ARIH1: variants seen among roughly 807,000 people sequenced by gnomAD.
ARIH1 encodes the protein ariadne RBR E3 ubiquitin protein ligase 1, also known as E3 ubiquitin-protein ligase ARIH1.
In ARIH1, 8 loss-of-function variants were observed where a neutral mutation model predicts 85.0. That is an observed-to-expected ratio of 0.09 (90% CI 0.06 to 0.17). The LOEUF is 0.17. ARIH1 is among the 10% of genes least tolerant of loss of function. ARIH1 has a pLI of 1.00. For synonymous variants in ARIH1, 238 were observed against 253.6 expected, an observed-to-expected ratio of 0.94 and a Z score of 0.59; for missense variants, 311 against 718.1, an observed-to-expected ratio of 0.43 and a Z score of 6.48.
At chr15:72,516,706 T>C (rs1026903525) in intron 1 of ARIH1, among the ~76,000 whole-genome samples, 2 of 152,210 alleles carry the variant, frequency 1.3e-5, no homozygotes, top group Non-Finnish European at 2.9e-5. Flanking sequence ...GGAGTATGCA[T>C]GTGTGTAAAT....
chr15:72,535,203 G>A (rs1338744321), intron 2 of ARIH1, among the ~76,000 whole-genome samples: 3 of 151,276 alleles, frequency 2.0e-5, no homozygotes, highest in South Asian at 2.1e-4. Context: ...CACCCGCCTC[G>A]GCCTCCCAAA....
chr15:72,492,996 G>A (rs760352333), intron 1 of ARIH1, among the ~76,000 whole-genome samples: 19 of 152,204 alleles, frequency 1.2e-4, no homozygotes, highest in Non-Finnish European at 2.5e-4. Flanking sequence ...GATCCTAATG[G>A]TTATCCTAGC....
intron 1 of ARIH1, among the ~76,000 whole-genome samples, chr15:72,511,896 G>A (rs2063952306): frequency 6.6e-6 from 1 of 152,182 alleles, no homozygotes; most frequent in Non-Finnish European, 1.5e-5. Flanking sequence ...AGTGGATGTT[G>A]AATTTTGTCA....
In ARIH1 at chr15:72,595,808, G is replaced by GTTTTTTTTTTTTTTTTTTTTCTT. The variant is rs59597213; in HGVS notation, c.*12534_*12535insTTCTTTTTTTTTTTTTTTTTTTT. 2.4e-5 allele frequency: 3 copies of GTTTTTTTTTTTTTTTTTTTTCTT among 122,828 alleles called. No individual in the cohort carries two copies. Among genetic ancestry groups the GTTTTTTTTTTTTTTTTTTTTCTT allele is most frequent in the East Asian group, 2.4e-4 (1 of 4,126 alleles). 7.6% of individuals were successfully genotyped at this position (122,828 alleles called of 1,614,324 possible). ...TATTGCAGTGTTTTTTGTTTTTTCTGTTTTTTTTTTTTTTTTTTCATCTTT... is the reference window on the plus strand; with the variant it reads ...TATTGCAGTGTTTTTTGTTTTTTCTGTTTTTTTTTTTTTTTTTTTTCTTTTTTTTTTTTTTTTTTTTCATCTTT... On this transcript the variant is annotated 3_prime_UTR_variant, in exon 14 of 14. Transcript: ENST00000379887.
intron 2 of ARIH1, among the ~76,000 whole-genome samples, chr15:72,519,317 T>G (rs184635824): frequency 4.0e-5 from 6 of 151,870 alleles, no homozygotes; most frequent in Admixed American, 3.9e-4. Context: ...TAAATTACAT[T>G]GTAAATAATA....
At chr15:72,518,614 C>A (rs1385532552) in intron 2 of ARIH1, among the ~76,000 whole-genome samples, 1 of 151,892 alleles carries the variant, frequency 6.6e-6, no homozygotes, top group Non-Finnish European at 1.5e-5. Flanking sequence ...ATGCTGAAGC[C>A]CCGTCTCTAC....
rs1028098153 is a variant in ARIH1, at chr15:72,602,620, A to C, written c.*19328A>C. The stretch of plus-strand genomic sequence containing the variant: ...TTATATGGGCCTAAGAGTCTTACTG[A>C]AAATTGGAAGTCTTAAGGTGTAGTC... On this transcript the variant is annotated 3_prime_UTR_variant, in exon 14 of 14. Transcript: ENST00000379887. 5.9e-5 allele frequency: 9 copies of C among 152,212 alleles called. No individual in the cohort carries two copies. The highest frequency in any genetic ancestry group is 8.8e-5 in the Non-Finnish European group (6 of 68,038). The allele number at this position is 152,212 out of a possible 1,614,324, so 9.4% of individuals were successfully genotyped here. A position where few individuals can be genotyped will look rare whatever the true frequency, so the allele number is the denominator to read the frequency against.
chr15:72,493,095 C>G (rs2063865944), intron 1 of ARIH1, among the ~76,000 whole-genome samples: 1 of 152,172 alleles, frequency 6.6e-6, no homozygotes, highest in Admixed American at 6.5e-5. Flanking sequence ...ACAGCCACTT[C>G]CAGAAGACCT....
chr15:72,560,237 C>A (rs1034196089), intron 5 of ARIH1, among the ~76,000 whole-genome samples: 1 of 152,128 alleles, frequency 6.6e-6, no homozygotes, highest in African/African-American at 2.4e-5. Flanking sequence ...AGATAACTGT[C>A]TAATTAAAAT....
At chr15:72,484,712 C>T (rs767310493) in intron 1 of ARIH1, among the ~76,000 whole-genome samples, 4 of 148,382 alleles carry the variant, frequency 2.7e-5, no homozygotes, top group East Asian at 2.0e-4. Flanking sequence ...TACGTATATA[C>T]GTATATGTAT....
At chr15:72,480,467 G>A (rs745652511) in intron 1 of ARIH1, among the ~76,000 whole-genome samples, 3 of 151,864 alleles carry the variant, frequency 2.0e-5, no homozygotes, top group Non-Finnish European at 4.4e-5. Context: ...CACCATGTTG[G>A]CCAGGCTGGT....
intron 1 of ARIH1, among the ~76,000 whole-genome samples, chr15:72,510,925 T>G (rs2063948203): frequency 6.6e-6 from 1 of 152,172 alleles, no homozygotes; most frequent in South Asian, 2.1e-4. Flanking sequence ...AATCAGGTGT[T>G]CTGTTTTAAA....
At chr15:72,530,699 A>T (rs1040453857) in intron 2 of ARIH1, among the ~76,000 whole-genome samples, 5 of 152,248 alleles carry the variant, frequency 3.3e-5, no homozygotes, top group African/African-American at 1.2e-4. Flanking sequence ...GGGAGCTGTC[A>T]TTCAGATTTG....
chr15:72,542,991 T>TGG (rs1403667310), intron 2 of ARIH1, among the ~76,000 whole-genome samples: 1 of 150,830 alleles, frequency 6.6e-6, no homozygotes, highest in Admixed American at 6.6e-5. Context: ...TGCAGTGCAG[T>TGG]GGCACCATCT....
intron 9 of ARIH1, among the ~76,000 whole-genome samples, chr15:72,568,909 T>TAGTGGG (rs1403360516): frequency 2.0e-5 from 3 of 152,124 alleles, no homozygotes; most frequent in Non-Finnish European, 4.4e-5. Context: ...AATACTAATA[T>TAGTGGG]AGTGGGTGAT....
intron 1 of ARIH1, among the ~76,000 whole-genome samples, chr15:72,483,028 T>G (rs2063822818): frequency 6.6e-6 from 1 of 151,990 alleles, no homozygotes. Flanking sequence ...TTTTGTGGGT[T>G]TTTTGGTAGA....
intron 5 of ARIH1, among the ~76,000 whole-genome samples, chr15:72,556,445 T>A (rs377349984): frequency 2.5e-4 from 38 of 152,358 alleles, no homozygotes; most frequent in African/African-American, 8.9e-4. Flanking sequence ...ACACTTGATA[T>A]GCTCAGTTGT....
At chr15:72,568,443 T>G (rs2064230228) in intron 9 of ARIH1, among the ~76,000 whole-genome samples, 1 of 152,210 alleles carries the variant, frequency 6.6e-6, no homozygotes, top group Admixed American at 6.5e-5. Context: ...AAATTCCTAC[T>G]TGTAAGCCCC....
At chr15:72,535,882 G>A (rs973239728) in intron 2 of ARIH1, among the ~76,000 whole-genome samples, 1 of 152,132 alleles carries the variant, frequency 6.6e-6, no homozygotes, top group Non-Finnish European at 1.5e-5. Context: ...TGTCGTTTTG[G>A]GGACTGTAGT....
Sources: gnomAD v4.1 joint callset for allele counts (sites outside exome capture counted in the v4.1 genomes callset) on GRCh38, gnomAD v4.1.1 for gene constraint, MANE v1.5 for transcripts, NCBI Gene and HGNC (gene_info 2026-07-23, HGNC 2026-07-21) for gene names.